The following CTNNA3 variants were observed in gnomAD, a reference collection of about 807,000 sequenced individuals.
CTNNA3 encodes catenin alpha-3.
A neutral mutation model predicts 95.7 loss-of-function variants in CTNNA3; 76 were observed. That is an observed-to-expected ratio of 0.79 (90% CI 0.66 to 0.96). The LOEUF (loss-of-function observed/expected upper bound fraction) is 0.96, where lower values mean the gene tolerates loss of function less well. Ranked by LOEUF, CTNNA3 falls within the 40% of genes least tolerant of loss-of-function variation. The pLI is 0.00. For missense variants in CTNNA3, 1,191 were observed against 1,089.8 expected (o/e 1.09, Z -1.31); for synonymous variants, 431 against 374.4 (o/e 1.15, Z -1.74).
rs1207353783 is a variant in CTNNA3 at position 66,714,600 on chromosome 10, CT to C, written c.1281+51663del. On this transcript the variant is annotated intron_variant, in intron 9 of 17. Transcript: ENST00000433211. The stretch of plus-strand genomic sequence containing the variant: ...CTAAACCATTCACCATCCACCTCTG[CT>C]TTTTTGAGCAGTGCTTCTTAAAGTA... Among the ~76,000 whole-genome samples, 3 of 152,214 alleles carry C rather than the reference CT, an allele frequency of 2.0e-5. No individual in the cohort carries two copies. The East Asian group carries it at 5.8e-4, about 29-fold the overall frequency.
At chr10:67,462,607 A>C (rs1354077361) in intron 5 of CTNNA3, among the ~76,000 whole-genome samples, 1 of 152,196 alleles carries the variant, frequency 6.6e-6, no homozygotes, top group Non-Finnish European at 1.5e-5. Flanking sequence ...TGGCTCTGAC[A>C]TGCATCCCTG....
intron 13 of CTNNA3, among the ~76,000 whole-genome samples, chr10:66,199,787 ATATATATATATATATATATTTTTTTTT>A (rs1393785831): frequency 0.084 from 1,030 of 12,238 alleles, 43 homozygotes; most frequent in Non-Finnish European, 0.11. Context: ...ATATATATAT[ATATATATATATATATATATTTTTTTTT>A]TTTTTTTTTT....
At chr10:67,479,121 C>T (rs573044173) in intron 5 of CTNNA3, among the ~76,000 whole-genome samples, 2 of 152,166 alleles carry the variant, frequency 1.3e-5, no homozygotes, top group East Asian at 3.9e-4. Context: ...ACTTCTAGAC[C>T]TACCAAAAGA....
At chr10:66,772,816 C>T (rs1840147688) in intron 8 of CTNNA3, among the ~76,000 whole-genome samples, 1 of 152,046 alleles carries the variant, frequency 6.6e-6, no homozygotes, top group Non-Finnish European at 1.5e-5. Flanking sequence ...GATAGAAAGG[C>T]CATGGTTAAG....
At chr10:67,082,465 A>G (rs561414551) in intron 7 of CTNNA3, among the ~76,000 whole-genome samples, 187 of 152,282 alleles carry the variant, frequency 1.2e-3, no homozygotes, top group Non-Finnish European at 2.1e-3. Flanking sequence ...TAAACCCCCA[A>G]GCAGATTTTG....
rs147044685 is a variant in CTNNA3 at position 66,228,787 on chromosome 10, G to A, written c.1884+51683C>T. 7.9e-5 allele frequency among the ~76,000 whole-genome samples: 12 copies of A among 152,118 alleles called. No homozygotes were observed. The East Asian group carries it at 1.4e-3, about 17-fold the overall frequency. On this transcript the variant is annotated intron_variant, in intron 13 of 17. Transcript: ENST00000433211. ...GTAATGGAGTATATTTCTTCTATTC[G>A]TTCTAATAGTATTTGCTTCATATAT...
rs375927093 is a variant in CTNNA3 at position 66,380,688 on chromosome 10, A to C, written c.1532-1336T>G. Among the ~76,000 whole-genome samples the C allele has an allele frequency of 4.6e-4, 69 of 150,732 alleles. 1 individual carries two copies. The South Asian group carries it at 0.014, about 31-fold the overall frequency. The stretch of plus-strand genomic sequence containing the variant: ...AAAATTTAAATGTATTTATAAACAT[A>C]ACATTATTTAATCATATATGTATTC... On this transcript the variant is annotated intron_variant, in intron 11 of 17. Coordinates refer to ENST00000433211, the MANE Select transcript of CTNNA3 (RefSeq NM_013266.4).
At chr10:67,426,070 T>C (rs552493550) in intron 5 of CTNNA3, among the ~76,000 whole-genome samples, 21 of 152,164 alleles carry the variant, frequency 1.4e-4, no homozygotes, top group Non-Finnish European at 2.5e-4. Flanking sequence ...ACACGAGTGT[T>C]CCAGCGCATG....
At chr10:66,053,824 T>C (rs938633469) in intron 15 of CTNNA3, among the ~76,000 whole-genome samples, 3 of 152,158 alleles carry the variant, frequency 2.0e-5, no homozygotes, top group East Asian at 3.8e-4. Flanking sequence ...TTGTTTACTA[T>C]AGTTTCCCTA....
chr10:67,417,422 C>T (rs1381386492), intron 5 of CTNNA3, among the ~76,000 whole-genome samples: 1 of 152,138 alleles, frequency 6.6e-6, no homozygotes, highest in Admixed American at 6.5e-5. Flanking sequence ...CAAATCTGCA[C>T]ATGTACCCCC....
At chr10:67,058,140 G>A (rs1020193647) in intron 7 of CTNNA3, among the ~76,000 whole-genome samples, 4 of 151,914 alleles carry the variant, frequency 2.6e-5, no homozygotes, top group East Asian at 1.9e-4. Flanking sequence ...TTAATACCTC[G>A]AATTACAGTT....
At chr10:67,247,224 G>A (rs1865939196) in intron 5 of CTNNA3, among the ~76,000 whole-genome samples, 2 of 152,148 alleles carry the variant, frequency 1.3e-5, no homozygotes, top group Admixed American at 1.3e-4. Context: ...TCTCTTTGCA[G>A]ATGCCATAAT....
intron 13 of CTNNA3, among the ~76,000 whole-genome samples, chr10:66,204,148 G>T (rs2087610059): frequency 6.6e-6 from 1 of 152,168 alleles, no homozygotes; most frequent in East Asian, 1.9e-4. Context: ...TTCTAAAATA[G>T]TTGTTTTAAA....
intron 5 of CTNNA3, among the ~76,000 whole-genome samples, chr10:67,247,533 C>T (rs892403813): frequency 1.3e-5 from 2 of 152,092 alleles, no homozygotes; most frequent in African/African-American, 4.8e-5. Flanking sequence ...AAAGACGTTC[C>T]ATGTCATGGA....
intron 2 of CTNNA3, among the ~76,000 whole-genome samples, chr10:67,623,627 G>C (rs1843924244): frequency 6.6e-6 from 1 of 152,094 alleles, no homozygotes; most frequent in African/African-American, 2.4e-5. Flanking sequence ...CATTTTCATA[G>C]GAATTGTGTG....
intron 15 of CTNNA3, among the ~76,000 whole-genome samples, chr10:66,025,392 AC>A (rs2079313735): frequency 6.6e-6 from 1 of 152,048 alleles, no homozygotes. Flanking sequence ...AAAACAACCC[AC>A]CCATCCTGTT....
At chr10:66,779,392 T>C (rs1331403506) in intron 7 of CTNNA3, among the ~76,000 whole-genome samples, 5 of 152,152 alleles carry the variant, frequency 3.3e-5, no homozygotes, top group Non-Finnish European at 7.3e-5. Flanking sequence ...TGTTTTGTTC[T>C]GTTGCCCAGG....
intron 13 of CTNNA3, among the ~76,000 whole-genome samples, chr10:66,254,381 C>T (rs1332624425): frequency 1.3e-5 from 2 of 152,112 alleles, no homozygotes; most frequent in African/African-American, 4.8e-5. Flanking sequence ...TTGCTGACAT[C>T]AAGGCACCAA....
At chr10:66,433,519 G>A (rs781654409) in intron 11 of CTNNA3, among the ~76,000 whole-genome samples, 9 of 152,142 alleles carry the variant, frequency 5.9e-5, no homozygotes, top group African/African-American at 7.2e-5. Context: ...ATTCATTTAA[G>A]TTCTTTATAG....
Sources: gnomAD v4.1 joint callset for allele counts (sites outside exome capture counted in the v4.1 genomes callset) on GRCh38, gnomAD v4.1.1 for gene constraint, MANE v1.5 for transcripts, NCBI Gene and HGNC (gene_info 2026-07-23, HGNC 2026-07-21) for gene names.